CALN1: variants seen among roughly 807,000 people sequenced by gnomAD.
CALN1 encodes the protein calneuron 1, also known as calcium-binding protein 8.
A neutral mutation model predicts 30.6 loss-of-function variants in CALN1; 17 were observed. The ratio of observed to expected loss-of-function variants is 0.56; its 90% CI spans 0.38 to 0.83. CALN1 has a LOEUF of 0.83. CALN1 is among the 40% of genes least tolerant of loss of function. The pLI is 0.00. For missense variants in CALN1, 291 were observed against 354.9 expected (o/e 0.82, Z 1.45); for synonymous variants, 156 against 131.4 (o/e 1.19, Z -1.28).
chr7:72,333,668 T>C (rs1369178087), intron 2 of CALN1, among the ~76,000 whole-genome samples: 1 of 135,928 alleles, frequency 7.4e-6, no homozygotes, highest in Non-Finnish European at 1.5e-5. Context: ...TATACCAACA[T>C]GGGTACAGAA....
At chr7:72,330,466 C>CA (rs34819395) in intron 2 of CALN1, among the ~76,000 whole-genome samples, 24,633 of 112,802 alleles carry the variant, frequency 0.22, 3,636 homozygotes, top group African/African-American at 0.44. Context: ...AGACTGTCTC[C>CA]AAAAAAAAAA....
At chr7:72,400,825 T>C (rs1052847437) in intron 2 of CALN1, among the ~76,000 whole-genome samples, 1 of 152,168 alleles carries the variant, frequency 6.6e-6, no homozygotes, top group African/African-American at 2.4e-5. Flanking sequence ...CTCCCTAACA[T>C]GTTTCCCTTT....
chr7:72,455,846 C>A, the CALN1 span, among the ~76,000 whole-genome samples: 1 of 152,134 alleles, frequency 6.6e-6, no homozygotes, highest in South Asian at 2.1e-4. Flanking sequence ...AAGAGATATT[C>A]ATGAGGCTGT....
At chr7:72,232,739 C>T (rs1794199084) in intron 3 of CALN1, among the ~76,000 whole-genome samples, 1 of 152,206 alleles carries the variant, frequency 6.6e-6, no homozygotes, top group Non-Finnish European at 1.5e-5. Context: ...TGATTACAGG[C>T]ATGAGCCACC....
intron 3 of CALN1, among the ~76,000 whole-genome samples, chr7:72,166,427 T>C (rs1788528617): frequency 6.6e-6 from 1 of 152,160 alleles, no homozygotes; most frequent in African/African-American, 2.4e-5. Flanking sequence ...TGGTCTCAAG[T>C]GATCCTTCCA....
At chr7:72,163,930 A>G (rs937769680) in intron 3 of CALN1, among the ~76,000 whole-genome samples, 41 of 152,306 alleles carry the variant, frequency 2.7e-4, no homozygotes, top group African/African-American at 9.9e-4. Context: ...CAAACAAGAT[A>G]AAGGCAAAAA....
intron 2 of CALN1, among the ~76,000 whole-genome samples, chr7:72,378,436 C>G (rs73364928): frequency 6.6e-6 from 1 of 152,146 alleles, no homozygotes; most frequent in East Asian, 1.9e-4. Flanking sequence ...AGAGTTCCAA[C>G]AAGTTGATTC....
chr7:71,856,909 C>T (rs1023245729), intron 5 of CALN1, among the ~76,000 whole-genome samples: 10 of 151,916 alleles, frequency 6.6e-5, no homozygotes, highest in African/African-American at 1.9e-4. Context: ...GAGCTGAGAT[C>T]GTGCCATTGC....
At chr7:72,467,797 A>G in the CALN1 span, among the ~76,000 whole-genome samples, 5 of 152,230 alleles carry the variant, frequency 3.3e-5, no homozygotes, top group Admixed American at 6.6e-5. Context: ...TAGTGCATTT[A>G]GTACATCCAC....
chr7:72,308,559 T>C (rs865913498), intron 2 of CALN1, among the ~76,000 whole-genome samples: 5 of 152,120 alleles, frequency 3.3e-5, no homozygotes, highest in African/African-American at 9.7e-5. Context: ...GAATGAACGA[T>C]ATGAGGGATC....
chr7:71,801,379 T>TGTAC (rs2116064422), intron 6 of CALN1, among the ~76,000 whole-genome samples: 1 of 69,966 alleles, frequency 1.4e-5, no homozygotes, highest in South Asian at 6.5e-4. Context: ...TGCCTGGTTA[T>TGTAC]GTATGTATGT....
At chr7:72,263,668 C>T (rs368181070) in intron 3 of CALN1, among the ~76,000 whole-genome samples, 1 of 152,250 alleles carries the variant, frequency 6.6e-6, no homozygotes, top group Non-Finnish European at 1.5e-5. Context: ...CTCCCTCCTC[C>T]GCCTCCCACA....
intron 5 of CALN1, among the ~76,000 whole-genome samples, chr7:71,871,582 C>T (rs2116737558): frequency 6.6e-6 from 1 of 152,200 alleles, no homozygotes; most frequent in South Asian, 2.1e-4. Context: ...GACCCCATCT[C>T]TACAAAAAAT....
At chr7:72,261,510 A>T (rs1796272533) in intron 3 of CALN1, among the ~76,000 whole-genome samples, 1 of 151,828 alleles carries the variant, frequency 6.6e-6, no homozygotes, top group African/African-American at 2.4e-5. Flanking sequence ...CTGCAGCCTC[A>T]AAGTCCTGGG....
chr7:72,169,968 C>T (rs572518974), intron 3 of CALN1, among the ~76,000 whole-genome samples: 19 of 151,976 alleles, frequency 1.3e-4, no homozygotes, highest in African/African-American at 4.1e-4. Context: ...GCTGGGATTA[C>T]GGGCGTGAGA....
At chr7:72,267,896 A>G (rs1335201892) in intron 3 of CALN1, among the ~76,000 whole-genome samples, 4 of 152,128 alleles carry the variant, frequency 2.6e-5, no homozygotes, top group Non-Finnish European at 5.9e-5. Flanking sequence ...AGCCTCAGCT[A>G]CTCGGGAGGC....
chr7:71,926,196 C>A (rs1243865171), intron 5 of CALN1, among the ~76,000 whole-genome samples: 1 of 152,172 alleles, frequency 6.6e-6, no homozygotes, highest in Non-Finnish European at 1.5e-5. Flanking sequence ...ACCACCACAG[C>A]CTGCACACAG....
chr7:71,854,126 T>C (rs866022758), intron 5 of CALN1, among the ~76,000 whole-genome samples: 2 of 152,116 alleles, frequency 1.3e-5, no homozygotes, highest in East Asian at 1.9e-4. Context: ...ATCCTTGATA[T>C]TTGCTTTAAA....
intron 3 of CALN1, among the ~76,000 whole-genome samples, chr7:72,157,195 T>G (rs1020905848): frequency 3.3e-5 from 5 of 152,194 alleles, no homozygotes; most frequent in African/African-American, 9.7e-5. Context: ...ACTTACCCAT[T>G]TGGCAAATAT....
Sources: allele counts gnomAD v4.1 joint callset (sites outside exome capture counted in the v4.1 genomes callset), GRCh38; gene constraint gnomAD v4.1.1; transcripts MANE v1.5; gene names NCBI Gene and HGNC (gene_info 2026-07-23, HGNC 2026-07-21).